Variants in SLC5A4 observed in about 807,000 individuals in gnomAD.
SLC5A4 encodes solute carrier family 5 member 4.
Under a neutral mutation model 70.3 loss-of-function variants are expected in SLC5A4, and 55 were observed. The ratio of observed to expected loss-of-function variants is 0.78; its 90% CI spans 0.63 to 0.98. The LOEUF is 0.98. Among genes scored for constraint, SLC5A4 ranks in the 50% least tolerant of loss-of-function variants. SLC5A4 has a pLI of 0.00. For synonymous variants in SLC5A4, 268 were observed against 305.7 expected (o/e 0.88, Z 1.29); for missense variants, 735 against 839.2 (o/e 0.88, Z 1.53).
At chr22:32,299,687 G>A in the SLC5A4 span, among the ~76,000 whole-genome samples, 25 of 102,416 alleles carry the variant, frequency 2.4e-4, 4 homozygotes, top group East Asian at 5.3e-4. Flanking sequence ...GCTTTGTTCC[G>A]TTGCTGGTGA....
intron 5 of SLC5A4, among the ~76,000 whole-genome samples, chr22:32,240,782 C>T (rs1926467043): frequency 6.6e-6 from 1 of 152,160 alleles, no homozygotes; most frequent in African/African-American, 2.4e-5. Context: ...TGTCCTAGAT[C>T]ACCCAGATAG....
chr22:32,220,933 A>G lies in SLC5A4; in HGVS notation c.1755T>C (p.Asp585=), dbSNP rs564990101. ...ACCAAATATTACCTTCTTCAACACC[A>G]TCATCTGTTTCTTCCTGACTTTTCT... ...AEEKSQEETD[D]GVEEDYPEKS... is the part of the protein sequence containing the mutation. The change falls in exon 14 of 15, where the codon GAT becomes GAC. Residue 585 remains aspartate (D), a synonymous_variant. Coordinates refer to ENST00000266086, the MANE Select transcript of SLC5A4 (RefSeq NM_014227.3). 4 of 1,609,066 alleles carry G rather than the reference A, an allele frequency of 2.5e-6. No individual in the cohort carries two copies. In the African/African-American group the frequency reaches 5.3e-5, roughly 21 times the overall value.
upstream of SLC5A4, among the ~76,000 whole-genome samples, chr22:32,257,515 C>T (rs889438342): frequency 2.6e-4 from 40 of 152,202 alleles, no homozygotes; most frequent in African/African-American, 9.4e-4. Context: ...CCACCCATGC[C>T]TGGCTAACTT....
intron 11 of SLC5A4, 30 bp downstream of exon 11, chr22:32,229,164 G>A (rs201065219): frequency 5.3e-5 from 85 of 1,604,468 alleles, no homozygotes; most frequent in Admixed American, 1.2e-4. Flanking sequence ...TTCTCCAGAG[G>A]ATTCTAGGTG....
At chr22:32,274,305 G>A in the SLC5A4 span, among the ~76,000 whole-genome samples, 2 of 152,116 alleles carry the variant, frequency 1.3e-5, no homozygotes, top group African/African-American at 4.8e-5. Context: ...CTCCTAAAGT[G>A]CTGGGATTAT....
the SLC5A4 span, among the ~76,000 whole-genome samples, chr22:32,264,153 G>C: frequency 7.3e-5 from 11 of 151,476 alleles, no homozygotes; most frequent in South Asian, 2.3e-3. Flanking sequence ...AAACCTGCAT[G>C]TTCTGCATAT....
the SLC5A4 span, among the ~76,000 whole-genome samples, chr22:32,338,220 C>G: frequency 6.6e-6 from 1 of 152,112 alleles, no homozygotes; most frequent in South Asian, 2.1e-4. Flanking sequence ...GGAACTGAAA[C>G]GTGGGGGATA....
the SLC5A4 span, among the ~76,000 whole-genome samples, chr22:32,261,542 A>G: frequency 5.9e-5 from 9 of 152,150 alleles, no homozygotes; most frequent in South Asian, 2.1e-4. Flanking sequence ...GAAGCCCCTT[A>G]CCAGGGGCAG....
At chr22:32,234,816 A>G in intron 8 of SLC5A4, 57 bp downstream of exon 8, 1 of 1,280,466 alleles carries the variant, frequency 7.8e-7, no homozygotes, top group Non-Finnish European at 1.1e-6. Flanking sequence ...ACATGCACAC[A>G]TACAGACACA....
intron 7 of SLC5A4, among the ~76,000 whole-genome samples, chr22:32,236,862 G>A (rs1303881595): frequency 6.6e-6 from 1 of 151,864 alleles, no homozygotes; most frequent in African/African-American, 2.4e-5. Flanking sequence ...GCGCCACCAC[G>A]CCGGGCTTAT....
chr22:32,317,438 C>G, the SLC5A4 span, among the ~76,000 whole-genome samples: 1 of 152,002 alleles, frequency 6.6e-6, no homozygotes, highest in Non-Finnish European at 1.5e-5. Flanking sequence ...TCATAAATAA[C>G]TCCATGTTCT....
At chr22:32,272,308 G>A in the SLC5A4 span, 6 of 820,878 alleles carry the variant, frequency 7.3e-6, no homozygotes, top group South Asian at 8.3e-5. Context: ...GAGCAGAAGG[G>A]GCCCGTGACT....
chr22:32,267,096 T>C, the SLC5A4 span, among the ~76,000 whole-genome samples: 5 of 152,254 alleles, frequency 3.3e-5, no homozygotes, highest in Non-Finnish European at 7.3e-5. Flanking sequence ...GTTTCAATCC[T>C]GATCCCAAAT....
At chr22:32,227,788 AGCTGG>A (rs1043568729) in intron 11 of SLC5A4, among the ~76,000 whole-genome samples, 3 of 152,046 alleles carry the variant, frequency 2.0e-5, no homozygotes, top group Non-Finnish European at 4.4e-5. Flanking sequence ...TACAAAAATT[AGCTGG>A]GCATGGTCGT....
At chr22:32,291,101 G>A in the SLC5A4 span, among the ~76,000 whole-genome samples, 1 of 151,722 alleles carries the variant, frequency 6.6e-6, no homozygotes, top group Non-Finnish European at 1.5e-5. Flanking sequence ...TAAAGAGCTA[G>A]CATTTGGCTT....
At chr22:32,270,599 G>A in the SLC5A4 span, 1 of 736,518 alleles carries the variant, frequency 1.4e-6, no homozygotes, top group South Asian at 1.4e-5. Context: ...GACACCAGTG[G>A]CTTTGCCACG....
the SLC5A4 span, among the ~76,000 whole-genome samples, chr22:32,287,509 C>T: frequency 0.28 from 42,857 of 151,548 alleles, 6,099 homozygotes; most frequent in African/African-American, 0.32. Context: ...CATTGAATAT[C>T]GGGTCTATAT....
the SLC5A4 span, among the ~76,000 whole-genome samples, chr22:32,312,178 C>A: frequency 6.6e-6 from 1 of 152,016 alleles, no homozygotes; most frequent in African/African-American, 2.4e-5. Flanking sequence ...ATTTTCAAAT[C>A]CCCAGTGCTC....
At chr22:32,267,386 A>G in the SLC5A4 span, among the ~76,000 whole-genome samples, 7 of 152,356 alleles carry the variant, frequency 4.6e-5, no homozygotes, top group East Asian at 1.2e-3. Context: ...ATTGGAGGCC[A>G]GGGGAGAACC....
Sources: allele counts gnomAD v4.1 joint callset (sites outside exome capture counted in the v4.1 genomes callset), GRCh38; gene constraint gnomAD v4.1.1; transcripts MANE v1.5; gene names NCBI Gene and HGNC (gene_info 2026-07-23, HGNC 2026-07-21).